Variants in DGKI observed in about 807,000 individuals in gnomAD.
DGKI encodes the protein diacylglycerol kinase iota.
DGKI carries 55 observed loss-of-function variants against 147.5 expected under a neutral mutation model. The ratio of observed to expected loss-of-function variants is 0.37; its 90% CI spans 0.30 to 0.47. The LOEUF is 0.47. Ranked by LOEUF, DGKI falls within the 20% of genes least tolerant of loss-of-function variation. The pLI is 1.00. For synonymous variants in DGKI, 469 were observed against 477.1 expected (o/e 0.98, Z 0.22); for missense variants, 1,007 against 1,323.8 (o/e 0.76, Z 3.71).
chr7:137,673,527 C>T (rs937963960), intron 3 of DGKI, among the ~76,000 whole-genome samples: 63 of 152,280 alleles, frequency 4.1e-4, no homozygotes, highest in African/African-American at 1.5e-3. Flanking sequence ...AAATAAGAAT[C>T]GCTGTGGTCT....
intron 6 of DGKI, among the ~76,000 whole-genome samples, chr7:137,638,335 A>C (rs1821404348): frequency 6.7e-6 from 1 of 148,600 alleles, no homozygotes; most frequent in South Asian, 2.1e-4. Flanking sequence ...TTTTTATCTT[A>C]AATGTCATTA....
chr7:137,600,848 C>A (rs979295371), intron 10 of DGKI, among the ~76,000 whole-genome samples: 1 of 152,168 alleles, frequency 6.6e-6, no homozygotes, highest in African/African-American at 2.4e-5. Context: ...TTTGTTTAAG[C>A]CAAACACTTC....
chr7:137,568,668 T>A lies in DGKI; in HGVS notation c.1947+2507A>T, dbSNP rs114878805. On this transcript the variant is annotated intron_variant, in intron 19 of 32. Transcript: ENST00000614521. ...TTCCTCTTTGCAAATATCACTCCTA[T>A]CACGTAACCCTTTCCAAGTAGTTCT... 3.0e-3 allele frequency among the ~76,000 whole-genome samples: 459 copies of A among 152,288 alleles called. 4 individuals carry two copies. The highest frequency in any genetic ancestry group is 0.01 in the African/African-American group (436 of 41,558).
intron 7 of DGKI, among the ~76,000 whole-genome samples, chr7:137,623,080 G>C (rs371942776): frequency 3.3e-5 from 5 of 152,160 alleles, no homozygotes; most frequent in Admixed American, 2.0e-4. Context: ...CTGTGTTGGA[G>C]GGACCTCTTA....
At chr7:137,697,519 TAA>T (rs1213241021) in intron 1 of DGKI, among the ~76,000 whole-genome samples, 1 of 152,302 alleles carries the variant, frequency 6.6e-6, no homozygotes, top group East Asian at 1.9e-4. Context: ...AAATTAGATA[TAA>T]GAGTAGTTTA....
intron 3 of DGKI, among the ~76,000 whole-genome samples, chr7:137,664,377 C>CAAAAAAAAAA (rs1190186766): frequency 5.4e-5 from 3 of 56,026 alleles, no homozygotes; most frequent in African/African-American, 1.1e-4. Flanking sequence ...GACTCCATCT[C>CAAAAAAAAAA]AAAAAAAAAA....
chr7:137,519,628 A>C (rs570651006), intron 21 of DGKI, among the ~76,000 whole-genome samples: 1 of 152,014 alleles, frequency 6.6e-6, no homozygotes, highest in South Asian at 2.1e-4. Flanking sequence ...CATGCACCTC[A>C]TATATGGACT....
chr7:137,816,238 G>A (rs967983569), intron 1 of DGKI, among the ~76,000 whole-genome samples: 1 of 152,178 alleles, frequency 6.6e-6, no homozygotes, highest in Non-Finnish European at 1.5e-5. Context: ...AAAAGCATGT[G>A]TGAATAAACA....
At chr7:137,659,349 T>C (rs1184061742) in intron 3 of DGKI, among the ~76,000 whole-genome samples, 1 of 152,224 alleles carries the variant, frequency 6.6e-6, no homozygotes, top group African/African-American at 2.4e-5. Context: ...AAATCGGAAA[T>C]TTTAATCACT....
intron 1 of DGKI, among the ~76,000 whole-genome samples, chr7:137,733,584 A>G (rs1369085860): frequency 6.6e-6 from 1 of 152,114 alleles, no homozygotes; most frequent in Non-Finnish European, 1.5e-5. Context: ...CGTATCAGCT[A>G]TACATCAGGT....
chr7:137,733,571 T>C (rs965305267), intron 1 of DGKI, among the ~76,000 whole-genome samples: 2 of 152,092 alleles, frequency 1.3e-5, no homozygotes, highest in South Asian at 2.1e-4. Context: ...TGCATAACTA[T>C]TGCGTATCAG....
intron 19 of DGKI, among the ~76,000 whole-genome samples, chr7:137,554,976 G>A (rs1818173847): frequency 6.9e-6 from 1 of 144,842 alleles, no homozygotes; most frequent in African/African-American, 2.6e-5. Context: ...GAATGCAGTG[G>A]TGCAATCTCA....
chr7:137,643,681 G>T (rs1208162808), intron 6 of DGKI, among the ~76,000 whole-genome samples: 2 of 152,318 alleles, frequency 1.3e-5, no homozygotes, highest in East Asian at 3.9e-4. Flanking sequence ...TGAGAACACT[G>T]GCAGGAAAGG....
intron 1 of DGKI, among the ~76,000 whole-genome samples, chr7:137,798,467 G>T (rs1277426050): frequency 6.6e-6 from 1 of 152,080 alleles, no homozygotes; most frequent in East Asian, 1.9e-4. Context: ...CATCACCCAG[G>T]CTGGAGTGCA....
chr7:137,841,005 C>A (rs527308902), intron 1 of DGKI, among the ~76,000 whole-genome samples: 8 of 152,234 alleles, frequency 5.3e-5, no homozygotes, highest in African/African-American at 1.7e-4. Context: ...TCCTAACAAA[C>A]CTGTATTACT....
intron 1 of DGKI, among the ~76,000 whole-genome samples, chr7:137,760,660 G>T (rs560824751): frequency 6.6e-6 from 1 of 152,276 alleles, no homozygotes; most frequent in African/African-American, 2.4e-5. Context: ...AGAGAGGAGA[G>T]CCAGAAGGGG....
In DGKI at chr7:137,521,947, G is replaced by A. The variant is rs760167594; in HGVS notation, c.2167C>T (p.Arg723Cys). ...LLNDPQSVPDRLRIRVNKISL... is the reference protein window; with the variant it reads ...LLNDPQSVPDCLRIRVNKISL... The stretch of plus-strand genomic sequence containing the variant: ...ATTTTGTTCACCCGGATCCTCAGAC[G>A]ATCTGGGACAGACTGGGGACTGCAA... Residue 723 changes from arginine (R) to cysteine (C), a missense_variant, in exon 21 of 33, where the codon CGT (arginine) becomes TGT (cysteine). By Grantham distance (180) the Arg-to-Cys change is radical (BLOSUM62 -3). Around this residue, in one of 5 missense-constraint regions of DGKI, gnomAD observed 385 missense variants for 445.2 expected, o/e 0.86. Transcript: ENST00000614521. The A allele has an allele frequency of 4.3e-6, 7 of 1,611,260 alleles. No homozygotes were observed. Among genetic ancestry groups the A allele is most frequent in the African/African-American group, 4.0e-5 (3 of 74,744 alleles).
intron 17 of DGKI, among the ~76,000 whole-genome samples, chr7:137,575,262 C>T (rs1427591920): frequency 6.6e-6 from 1 of 152,106 alleles, no homozygotes; most frequent in Non-Finnish European, 1.5e-5. Flanking sequence ...TATAAACATT[C>T]CACCTTTAAT....
rs758122838 is a variant in DGKI, at chr7:137,384,357, C to G, written c.*6863G>C. ...CTCTGACTTTTTGATTTCACATTCT[C>G]CCTTATTTCTAACTCATTCTTTCCG... is the stretch of plus-strand genomic sequence containing the variant. On this transcript the variant is annotated 3_prime_UTR_variant, in exon 33 of 33. Transcript: ENST00000614521. 9.9e-5 allele frequency: 15 copies of G among 151,830 alleles called. No homozygotes were observed. Among genetic ancestry groups the G allele is most frequent in the Non-Finnish European group, 1.6e-4 (11 of 67,932 alleles). 9.4% of individuals were successfully genotyped at this position (151,830 alleles called of 1,614,324 possible).
Sources: allele counts gnomAD v4.1 joint callset (sites outside exome capture counted in the v4.1 genomes callset), GRCh38; gene constraint gnomAD v4.1.1; regional missense constraint gnomAD v4.1.1; transcripts MANE v1.5; gene names NCBI Gene and HGNC (gene_info 2026-07-23, HGNC 2026-07-21).